WFDC8: variants seen among roughly 807,000 people sequenced by gnomAD.
WFDC8 encodes WAP four-disulfide core domain protein 8.
In WFDC8, 24 loss-of-function variants were observed where a neutral mutation model predicts 27.0. The ratio of observed to expected loss-of-function variants is 0.89; its 90% CI spans 0.64 to 1.25. The LOEUF (loss-of-function observed/expected upper bound fraction) is 1.25. Among genes scored for constraint, WFDC8 ranks in the 50% most tolerant of loss-of-function variants. The probability of loss-of-function intolerance (pLI) is 0.00; values close to 1 mark genes in which losing one functional copy is unlikely to be tolerated. For synonymous variants in WFDC8, 106 were observed against 99.7 expected (o/e 1.06, Z -0.38); for missense variants, 287 against 295.9 (o/e 0.97, Z 0.22).
intron 1 of WFDC8, among the ~76,000 whole-genome samples, chr20:45,572,119 A>G (rs1404573229): frequency 3.3e-5 from 5 of 152,094 alleles, no homozygotes; most frequent in African/African-American, 1.2e-4. Context: ...TTCCCTTTTC[A>G]GCCAGGTGCA....
intron 3 of WFDC8, among the ~76,000 whole-genome samples, chr20:45,558,381 T>C (rs1484557699): frequency 6.6e-6 from 1 of 152,234 alleles, no homozygotes; most frequent in Non-Finnish European, 1.5e-5. Flanking sequence ...CAAAGGGCAT[T>C]AACAACAGAT....
chr20:45,556,907 A>G (rs1980277857), intron 3 of WFDC8, among the ~76,000 whole-genome samples: 1 of 152,182 alleles, frequency 6.6e-6, no homozygotes, highest in Non-Finnish European at 1.5e-5. Flanking sequence ...CCAAAGCCAA[A>G]CTTGCACCAA....
chr20:45,559,177 A>G lies in WFDC8; in HGVS notation c.137-185T>C, dbSNP rs140898919. The stretch of plus-strand genomic sequence containing the variant: ...CTCAGATTCATTCAAATGGATCTGA[A>G]TCAGGAATTTGTGTCCAAGAAGAAC... On this transcript the variant is annotated intron_variant, in intron 2 of 5. Transcript: ENST00000289953. Among the ~76,000 whole-genome samples, 118 of 152,322 alleles carry G rather than the reference A, an allele frequency of 7.7e-4. 2 individuals carry two copies. Among genetic ancestry groups the G allele is most frequent in the African/African-American group, 2.8e-3 (115 of 41,562 alleles).
In WFDC8 at chr20:45,555,784, G is replaced by A. The variant is rs767661325; in HGVS notation, c.362C>T (p.Thr121Ile). Residue 121 changes from threonine to isoleucine, a missense_variant, in exon 4 of 6, where the codon ACA (threonine) becomes ATA (isoleucine). Thr to Ile is a moderately conservative substitution (Grantham distance 89). Transcript: ENST00000289953. ...WHFDFKNYRC[T>I]PFKYRGCEGN... ...TTCGCAGCCCCTGTATTTGAAGGGT[G>A]TGCAGCGGTAATTTTTAAAGTCAAA... 3 of 1,613,754 alleles carry A rather than the reference G, an allele frequency of 1.9e-6. No individual in the cohort carries two copies. The highest frequency in any genetic ancestry group is 2.5e-6 in the Non-Finnish European group (3 of 1,179,976).
At chr20:45,572,729 C>G (rs1980911755) in intron 1 of WFDC8, among the ~76,000 whole-genome samples, 1 of 152,182 alleles carries the variant, frequency 6.6e-6, no homozygotes, top group African/African-American at 2.4e-5. Context: ...GCCTCAGCCT[C>G]CCGAGTAGCT....
In WFDC8 at chr20:45,574,061, G is replaced by A. The variant is rs145164940; in HGVS notation, c.26+5161C>T. 7.6e-3 allele frequency among the ~76,000 whole-genome samples: 1,156 copies of A among 152,214 alleles called. 15 individuals carry two copies. The highest frequency in any genetic ancestry group is 0.026 in the African/African-American group (1,100 of 41,520). On this transcript the variant is annotated intron_variant, in intron 1 of 5. Transcript: ENST00000289953. ...TAAATTTCTATAAGAAATGCAACTGGAATTTTGGTAGGGATTCTGAAGTTA... is the reference window on the plus strand; with the variant it reads ...TAAATTTCTATAAGAAATGCAACTGAAATTTTGGTAGGGATTCTGAAGTTA...
At position 45,579,180 on chromosome 20, in the gene WFDC8, C is replaced by G. The variant is rs765925579; in HGVS notation, c.26+42G>C. The G allele has an allele frequency of 1.9e-6, 3 of 1,605,626 alleles. No homozygotes were observed. The Admixed American group carries it at 5.0e-5, about 27-fold the overall frequency. The stretch of plus-strand genomic sequence containing the variant: ...CCTCCTCATCTCCTTGGGCTCAGAC[C>G]CTCCATGTCTGGCTACCCACCCCCA... On this transcript the variant is annotated intron_variant, in intron 1 of 5. Transcript: ENST00000289953.
chr20:45,570,114 A>G (rs550731559), intron 1 of WFDC8, among the ~76,000 whole-genome samples: 2 of 152,274 alleles, frequency 1.3e-5, no homozygotes, highest in East Asian at 3.9e-4. Flanking sequence ...TGTCAAAACA[A>G]TCTGTACAAC....
intron 4 of WFDC8, 55 bp downstream of exon 4, chr20:45,555,646 G>A (rs6032305): frequency 0.4 from 629,200 of 1,583,890 alleles, 130,442 homozygotes; most frequent in Non-Finnish European, 0.43. Flanking sequence ...TAACCTCATT[G>A]GTATACTATT....
At chr20:45,552,253 G>C (rs1341338186) in intron 5 of WFDC8, 88 bp from the exon 6 acceptor site, 15 of 1,509,032 alleles carry the variant, frequency 9.9e-6, no homozygotes, top group Non-Finnish European at 1.3e-5. Context: ...TCTCAAACAA[G>C]GTTTTATTCT....
At chr20:45,569,406 A>G (rs1022681460) in intron 1 of WFDC8, among the ~76,000 whole-genome samples, 2 of 152,196 alleles carry the variant, frequency 1.3e-5, no homozygotes, top group South Asian at 2.1e-4. Flanking sequence ...AATTTTTACA[A>G]TGTGTTTATT....
intron 2 of WFDC8, among the ~76,000 whole-genome samples, chr20:45,561,171 G>A (rs1980454268): frequency 6.6e-6 from 1 of 152,122 alleles, no homozygotes; most frequent in Non-Finnish European, 1.5e-5. Context: ...TACCTCATGG[G>A]TTTCTCTGCA....
rs752477649 is a variant in WFDC8, at chr20:45,576,422, G to A, written c.26+2800C>T. Among the ~76,000 whole-genome samples the A allele has an allele frequency of 9.4e-5, 14 of 149,700 alleles. 2 individuals are homozygous for A. Among genetic ancestry groups the A allele is most frequent in the Non-Finnish European group, 2.1e-4 (14 of 67,278 alleles). On this transcript the variant is annotated intron_variant, in intron 1 of 5. Coordinates refer to ENST00000289953, the MANE Select transcript of WFDC8 (RefSeq NM_130896.3). ...GAGTTTTCTTTTTTTTTTTCAGACAGTCTCTCACTGTCTTTCTCCCAGGGC... is the reference window on the plus strand; with the variant it reads ...GAGTTTTCTTTTTTTTTTTCAGACAATCTCTCACTGTCTTTCTCCCAGGGC...
intron 1 of WFDC8, among the ~76,000 whole-genome samples, chr20:45,570,648 A>G (rs1980834779): frequency 6.6e-6 from 1 of 152,204 alleles, no homozygotes; most frequent in East Asian, 1.9e-4. Flanking sequence ...TATGAACCTA[A>G]GTATTCATTT....
chr20:45,553,418 A>G, intron 4 of WFDC8, 142 bp from the exon 5 acceptor site: 1 of 1,087,630 alleles, frequency 9.2e-7, no homozygotes, highest in Non-Finnish European at 1.3e-6. Context: ...TAGGCTGTGG[A>G]AGAATGAAAT....
intron 2 of WFDC8, among the ~76,000 whole-genome samples, chr20:45,559,406 T>C (rs988150098): frequency 6.6e-6 from 1 of 152,210 alleles, no homozygotes; most frequent in Non-Finnish European, 1.5e-5. Context: ...GACCCTTGAC[T>C]CCTGGTAAAC....
chr20:45,562,117 C>A lies in WFDC8; in HGVS notation c.129G>T (p.Lys43Asn), dbSNP rs1980491673. ...CAGCTTTTTTGAACTCACGTTTGATCTTCTTGGTCAGCATTGCAGAAGTCC... is the reference window on the plus strand; with the variant it reads ...CAGCTTTTTTGAACTCACGTTTGATATTCTTGGTCAGCATTGCAGAAGTCC... Reference protein sequence around the residue: ...LEWTSAMLTKKIKHKPGLCPK... With the variant: ...LEWTSAMLTKNIKHKPGLCPK... The change falls in exon 2 of 6, where the codon AAG (lysine) becomes AAT (asparagine). Residue 43 changes from lysine (K) to asparagine (N), a missense_variant. Lys to Asn is a moderately conservative substitution (Grantham distance 94, BLOSUM62 0). Coordinates refer to ENST00000289953, the MANE Select transcript of WFDC8 (RefSeq NM_130896.3). 1.2e-6 allele frequency: 2 copies of A among 1,613,860 alleles called. No individual in the cohort carries two copies. Among genetic ancestry groups the A allele is most frequent in the African/African-American group, 2.7e-5 (2 of 74,894 alleles).
rs6032304 is a variant in WFDC8, at chr20:45,555,621, C to G, written c.445+80G>C. 8.5e-6 allele frequency: 13 copies of G among 1,531,134 alleles called. No individual in the cohort carries two copies. In the African/African-American group the frequency reaches 1.8e-4, roughly 21 times the overall value. The allele number at this position is 1,531,134 out of a possible 1,614,324, so 94.8% of individuals were successfully genotyped here. Reference sequence around the variant, plus strand: ...GTCTTGAACCAAGGAACTTTAACCTCAAATCCTGAGCCTATAACCTCATTG... The same window carrying G: ...GTCTTGAACCAAGGAACTTTAACCTGAAATCCTGAGCCTATAACCTCATTG... On this transcript the variant is annotated intron_variant, in intron 4 of 5. Coordinates refer to ENST00000289953, the MANE Select transcript of WFDC8 (RefSeq NM_130896.3).
At chr20:45,553,009 TC>T in intron 5 of WFDC8, 126 bp downstream of exon 5, 1 of 1,173,768 alleles carries the variant, frequency 8.5e-7, no homozygotes, top group Non-Finnish European at 1.2e-6. Context: ...TAAAAGGGGT[TC>T]CCAAAGATCC....
Sources: allele counts gnomAD v4.1 joint callset (sites outside exome capture counted in the v4.1 genomes callset), GRCh38; gene constraint gnomAD v4.1.1; transcripts MANE v1.5; gene names NCBI Gene and HGNC (gene_info 2026-07-23, HGNC 2026-07-21).